EPHA6: variants seen among roughly 807,000 people sequenced by gnomAD.
EPHA6 encodes ephrin type-A receptor 6.
A neutral mutation model predicts 112.0 loss-of-function variants in EPHA6; 50 were observed. The observed-to-expected ratio is 0.45, with a 90% CI of 0.36 to 0.56. EPHA6 has a LOEUF of 0.56. Ranked by LOEUF, EPHA6 falls within the 20% of genes least tolerant of loss-of-function variation. The pLI is 0.00. For synonymous variants in EPHA6, 529 were observed against 490.7 expected, an observed-to-expected ratio of 1.08 and a Z score of -1.03; for missense variants, 1,280 against 1,417.4, an observed-to-expected ratio of 0.90 and a Z score of 1.56.
chr3:97,659,339 A>G (rs541578784), intron 14 of EPHA6, among the ~76,000 whole-genome samples: 1 of 152,124 alleles, frequency 6.6e-6, no homozygotes, highest in East Asian at 1.9e-4. Flanking sequence ...AGAGAATAAA[A>G]CATGCAGGCT....
rs146277833 is a variant in EPHA6, at chr3:97,721,713, G to A, written c.2934+1303G>A. ...TAGACTTTTTGGATCTGGGCCATTT[G>A]CCTACAGTCTGCTATTCATCAGGGA... On this transcript the variant is annotated intron_variant, in intron 15 of 17. Transcript: ENST00000389672. Among the ~76,000 whole-genome samples the A allele has an allele frequency of 4.6e-5, 7 of 152,300 alleles. No homozygotes were observed. In the East Asian group the frequency reaches 7.7e-4, roughly 17 times the overall value.
At chr3:97,092,297 G>C (rs527437049) in intron 3 of EPHA6, among the ~76,000 whole-genome samples, 4 of 152,066 alleles carry the variant, frequency 2.6e-5, no homozygotes, top group Admixed American at 2.6e-4. Context: ...GGATATCATA[G>C]AGAAGGTTGG....
At chr3:97,002,411 T>G (rs1034408981) in intron 3 of EPHA6, among the ~76,000 whole-genome samples, 8 of 150,466 alleles carry the variant, frequency 5.3e-5, no homozygotes, top group African/African-American at 1.2e-4. Context: ...GAGGGTTGTT[T>G]TTTTTTTTCA....
chr3:97,363,278 C>G (rs1369822417), intron 5 of EPHA6, among the ~76,000 whole-genome samples: 1 of 116,482 alleles, frequency 8.6e-6, no homozygotes, highest in African/African-American at 3.6e-5. Context: ...ATTATTTCTA[C>G]AGTTATATAA....
At chr3:96,854,997 A>G (rs1398005825) in intron 1 of EPHA6, among the ~76,000 whole-genome samples, 6 of 152,186 alleles carry the variant, frequency 3.9e-5, no homozygotes, top group African/African-American at 1.4e-4. Context: ...TGTTAGTGCA[A>G]CTGCGTTCCA....
intron 5 of EPHA6, among the ~76,000 whole-genome samples, chr3:97,317,203 G>T (rs2081885571): frequency 6.6e-6 from 1 of 151,584 alleles, no homozygotes; most frequent in African/African-American, 2.4e-5. Context: ...ATGGTTTTCT[G>T]CAGGAAAAGT....
At chr3:97,346,567 C>A (rs1377817727) in intron 5 of EPHA6, among the ~76,000 whole-genome samples, 1 of 152,042 alleles carries the variant, frequency 6.6e-6, no homozygotes, top group Admixed American at 6.6e-5. Context: ...CCATCACATC[C>A]CCATTCCACT....
At chr3:97,612,093 A>T (rs893653450) in intron 13 of EPHA6, among the ~76,000 whole-genome samples, 1 of 152,042 alleles carries the variant, frequency 6.6e-6, no homozygotes, top group African/African-American at 2.4e-5. Flanking sequence ...GTGTTTGGGG[A>T]CATGAACTGT....
intron 2 of EPHA6, among the ~76,000 whole-genome samples, chr3:96,878,820 T>C (rs1434867371): frequency 2.6e-5 from 4 of 152,050 alleles, no homozygotes; most frequent in Non-Finnish European, 5.9e-5. Context: ...AGAGAAGGAA[T>C]AAAAGTTGAA....
chr3:97,686,444 C>A (rs1031150840), intron 14 of EPHA6, among the ~76,000 whole-genome samples: 6 of 152,166 alleles, frequency 3.9e-5, no homozygotes, highest in African/African-American at 1.4e-4. Context: ...AGGGAACTCA[C>A]AATCACAGCA....
intron 3 of EPHA6, among the ~76,000 whole-genome samples, chr3:97,060,919 G>A (rs1434045471): frequency 3.9e-5 from 3 of 75,994 alleles, no homozygotes; most frequent in Admixed American, 2.3e-4. Context: ...GCCAGACTCC[G>A]TCTCAAAAAA....
intron 3 of EPHA6, among the ~76,000 whole-genome samples, chr3:97,163,616 G>C (rs761855316): frequency 6.6e-6 from 1 of 152,108 alleles, no homozygotes; most frequent in East Asian, 1.9e-4. Flanking sequence ...GATGGGTCCT[G>C]AGGAGGCTCA....
chr3:97,090,195 G>T (rs113310288), intron 3 of EPHA6, among the ~76,000 whole-genome samples: 1 of 151,900 alleles, frequency 6.6e-6, no homozygotes, highest in Non-Finnish European at 1.5e-5. Flanking sequence ...GTTTCCTCAT[G>T]TATTGCAAAC....
intron 11 of EPHA6, among the ~76,000 whole-genome samples, chr3:97,560,086 TA>T (rs1342785084): frequency 6.7e-6 from 1 of 150,048 alleles, no homozygotes; most frequent in African/African-American, 2.5e-5. Context: ...AGTCAAAAAA[TA>T]AAAACCAAAG....
intron 2 of EPHA6, among the ~76,000 whole-genome samples, chr3:96,915,654 G>A (rs561581264): frequency 8.3e-4 from 126 of 152,112 alleles, no homozygotes; most frequent in African/African-American, 2.9e-3. Context: ...AAAAATATGC[G>A]TCATTCTAAT....
chr3:97,472,643 T>A (rs1431193900), intron 7 of EPHA6, among the ~76,000 whole-genome samples: 1 of 151,792 alleles, frequency 6.6e-6, no homozygotes, highest in Non-Finnish European at 1.5e-5. Flanking sequence ...TGAGTGTTTT[T>A]ATTTCCATAT....
chr3:97,212,287 A>T (rs1169160388), intron 3 of EPHA6, among the ~76,000 whole-genome samples: 1 of 152,164 alleles, frequency 6.6e-6, no homozygotes, highest in East Asian at 1.9e-4. Context: ...TTAATGTGGG[A>T]TTAAGTATGG....
intron 3 of EPHA6, among the ~76,000 whole-genome samples, chr3:97,010,534 C>A (rs1485395259): frequency 6.6e-6 from 1 of 151,952 alleles, no homozygotes; most frequent in African/African-American, 2.4e-5. Flanking sequence ...TATTTTTTAG[C>A]CATATATTAG....
intron 5 of EPHA6, among the ~76,000 whole-genome samples, chr3:97,391,918 A>G (rs952549511): frequency 1.3e-5 from 2 of 151,848 alleles, no homozygotes; most frequent in Admixed American, 6.6e-5. Context: ...TATGTACCTT[A>G]GGGGTCCAAC....
Sources: gnomAD v4.1 joint callset for allele counts (sites outside exome capture counted in the v4.1 genomes callset) on GRCh38, gnomAD v4.1.1 for gene constraint, MANE v1.5 for transcripts, NCBI Gene and HGNC (gene_info 2026-07-23, HGNC 2026-07-21) for gene names.